Variants in PRMT8 observed in about 807,000 individuals in gnomAD.
PRMT8 encodes protein arginine methyltransferase 8, also known as protein arginine N-methyltransferase 8.
In PRMT8, 7 loss-of-function variants were observed where a neutral mutation model predicts 47.1. That is an observed-to-expected ratio of 0.15 (90% CI 0.08 to 0.28). The LOEUF (loss-of-function observed/expected upper bound fraction) is 0.28. Among genes scored for constraint, PRMT8 ranks in the 10% least tolerant of loss-of-function variants. The pLI is 1.00. For missense variants in PRMT8, 237 were observed against 505.4 expected (o/e 0.47, Z 5.09); for synonymous variants, 188 against 186.5 (o/e 1.01, Z -0.07).
intron 1 of PRMT8, among the ~76,000 whole-genome samples, chr12:3,418,801 G>A (rs572978209): frequency 6.6e-6 from 1 of 151,892 alleles, no homozygotes; most frequent in Admixed American, 6.6e-5. Flanking sequence ...GGAAGGGTGG[G>A]TGGGGCTGGG....
chr12:3,450,958 T>C (rs1591553374), intron 1 of PRMT8, among the ~76,000 whole-genome samples: 1 of 141,788 alleles, frequency 7.1e-6, no homozygotes, highest in Non-Finnish European at 1.5e-5. Flanking sequence ...CTTGCAACTT[T>C]AGTGCAATGT....
intron 8 of PRMT8, among the ~76,000 whole-genome samples, chr12:3,590,282 G>A (rs1040690771): frequency 2.0e-5 from 3 of 152,214 alleles, no homozygotes; most frequent in African/African-American, 7.2e-5. Flanking sequence ...GATCAAGCCA[G>A]TTCATTGTGA....
chr12:3,513,939 C>G (rs915821224), intron 1 of PRMT8, among the ~76,000 whole-genome samples: 1 of 152,212 alleles, frequency 6.6e-6, no homozygotes, highest in Non-Finnish European at 1.5e-5. Flanking sequence ...AGGTACTGCT[C>G]TAGTGATTTC....
Position 3,583,367 on chromosome 12 carries a change from C to T in PRMT8, c.979+159C>T, listed in dbSNP as rs1195784786. 1.3e-5 allele frequency among the ~76,000 whole-genome samples: 2 copies of T among 152,126 alleles called. No homozygotes were observed. Among genetic ancestry groups the T allele is most frequent in the Admixed American group, 6.5e-5 (1 of 15,272 alleles). ...CCAGCCATGGAGGAACCATGCATCCCTATATTTGTGCTGTCCAAGGAGAAG... is the reference window on the plus strand; with the variant it reads ...CCAGCCATGGAGGAACCATGCATCCTTATATTTGTGCTGTCCAAGGAGAAG... On this transcript the variant is annotated intron_variant, in intron 8 of 9. Coordinates refer to ENST00000382622, the MANE Select transcript of PRMT8 (RefSeq NM_019854.5). This position sits in a 1 kb window ranked among gnomAD's most constrained non-coding sequence, Gnocchi z 4.7.
intron 1 of PRMT8, among the ~76,000 whole-genome samples, chr12:3,401,411 G>T (rs1287849184): frequency 6.6e-6 from 1 of 151,970 alleles, no homozygotes; most frequent in Non-Finnish European, 1.5e-5. Flanking sequence ...TTGAAAATCG[G>T]CACAAGAAAA....
At position 3,593,335 on chromosome 12, in the gene PRMT8, T is replaced by C. The variant is rs1049061623; in HGVS notation, c.*153T>C. ...ATTGGTGAACTCCCCAGGGCTCCCG[T>C]GGGCTCTGCCACTGGACAGAAGGCC... On this transcript the variant is annotated 3_prime_UTR_variant, in exon 10 of 10. Transcript: ENST00000382622. The surrounding 1 kb of genome is among the most constrained non-coding windows in gnomAD (Gnocchi z 4.8). 3.1e-6 allele frequency: 2 copies of C among 643,496 alleles called. No individual in the cohort carries two copies. Among genetic ancestry groups the C allele is most frequent in the African/African-American group, 3.7e-5 (2 of 54,320 alleles). The allele number at this position is 643,496 out of a possible 1,614,324, so 39.9% of individuals were successfully genotyped here.
Position 3,580,712 on chromosome 12 carries a change from G to A in PRMT8, c.829-2346G>A, listed in dbSNP as rs1867044401. ...GCCAGAAGTGAGATTGGAAGGCCAT[G>A]CTACACTGGTGACGGAGGGAACCAA... On this transcript the variant is annotated intron_variant, in intron 7 of 9. Coordinates refer to ENST00000382622, the MANE Select transcript of PRMT8 (RefSeq NM_019854.5). The surrounding 1 kb of genome is among the most constrained non-coding windows in gnomAD (Gnocchi z 4.6). 1.3e-5 allele frequency among the ~76,000 whole-genome samples: 2 copies of A among 152,142 alleles called. No individual in the cohort carries two copies. Among genetic ancestry groups the A allele is most frequent in the Non-Finnish European group, 2.9e-5 (2 of 68,020 alleles).
chr12:3,568,072 CAAAA>C (rs148436679), intron 4 of PRMT8, among the ~76,000 whole-genome samples: 1 of 102,774 alleles, frequency 9.7e-6, no homozygotes, highest in African/African-American at 3.5e-5. Flanking sequence ...AACTCCGTCT[CAAAA>C]AAAAAAAAAA....
At position 3,557,104 on chromosome 12, in the gene PRMT8, A is replaced by G. The variant is rs903559970; in HGVS notation, c.481+3390A>G. On this transcript the variant is annotated intron_variant, in intron 4 of 9. Transcript: ENST00000382622. The surrounding 1 kb of genome is among the most constrained non-coding windows in gnomAD (Gnocchi z 4.7). ...GAAGGGAGGTGAGTCCTGGAATGAG[A>G]GGGAAGGAGGGAGGGCAGCAGATAG... Among the ~76,000 whole-genome samples, 1 of 152,012 alleles carries G rather than the reference A, an allele frequency of 6.6e-6. No individual in the cohort carries two copies. The highest frequency in any genetic ancestry group is 1.5e-5 in the Non-Finnish European group (1 of 67,990).
Position 3,420,154 on chromosome 12 carries a change from G to A in PRMT8, c.48+38712G>A, listed in dbSNP as rs183557443. Among the ~76,000 whole-genome samples the A allele has an allele frequency of 1.4e-3, 206 of 152,228 alleles. 1 individual carries two copies. The highest frequency in any genetic ancestry group is 4.6e-3 in the African/African-American group (190 of 41,538). ...TCTCAACTCAAGAGCATTGGCACGA[G>A]CCTCAGAGGTGGGTGTTGTCCATCA... On this transcript the variant is annotated intron_variant, in intron 1 of 9. Transcript: ENST00000452611.
intron 1 of PRMT8, among the ~76,000 whole-genome samples, chr12:3,422,201 G>A (rs1864548878): frequency 6.6e-6 from 1 of 152,174 alleles, no homozygotes; most frequent in African/African-American, 2.4e-5. Context: ...CTTTTCTTTG[G>A]TGCTTGTTAT....
chr12:3,556,997 C>A (rs543729116), intron 4 of PRMT8, among the ~76,000 whole-genome samples: 7 of 152,128 alleles, frequency 4.6e-5, no homozygotes, highest in Admixed American at 4.6e-4. Context: ...GATGGAGGTG[C>A]CAGTGGTGGG....
chr12:3,582,607 C>G (rs890919023), intron 7 of PRMT8, among the ~76,000 whole-genome samples: 1 of 152,210 alleles, frequency 6.6e-6, no homozygotes, highest in Non-Finnish European at 1.5e-5. Context: ...TCCAGCAGGT[C>G]TGCCCCCCTC....
intron 1 of PRMT8, among the ~76,000 whole-genome samples, chr12:3,476,079 A>T (rs941255244): frequency 1.3e-5 from 2 of 152,218 alleles, no homozygotes; most frequent in Non-Finnish European, 2.9e-5. Flanking sequence ...CCTAAGACTG[A>T]TAATAAAAAT....
In PRMT8 at chr12:3,564,066, T is replaced by C. The variant is rs1354660260; in HGVS notation, c.482-4640T>C. Among the ~76,000 whole-genome samples the C allele has an allele frequency of 6.6e-6, 1 of 152,100 alleles. No homozygotes were observed. Among genetic ancestry groups the C allele is most frequent in the Non-Finnish European group, 1.5e-5 (1 of 68,030 alleles). Reference sequence around the variant, plus strand: ...TAAAATAGACAACGAAGAGAAGGAATGCATACGCTGGAGGTGAGCCGGGCC... The same window carrying C: ...TAAAATAGACAACGAAGAGAAGGAACGCATACGCTGGAGGTGAGCCGGGCC... On this transcript the variant is annotated intron_variant, in intron 4 of 9. Coordinates refer to ENST00000382622, the MANE Select transcript of PRMT8 (RefSeq NM_019854.5). This position sits in a 1 kb window ranked among gnomAD's most constrained non-coding sequence, Gnocchi z 4.0.
chr12:3,424,814 T>C (rs1162743517), intron 1 of PRMT8, among the ~76,000 whole-genome samples: 1 of 152,230 alleles, frequency 6.6e-6, no homozygotes, highest in African/African-American at 2.4e-5. Context: ...TGACTTGATG[T>C]ATATACTGGG....
At chr12:3,432,705 G>A (rs1225378918) in intron 1 of PRMT8, among the ~76,000 whole-genome samples, 1 of 152,140 alleles carries the variant, frequency 6.6e-6, no homozygotes. Context: ...CATCTTTATG[G>A]CCCGGTCATG....
At chr12:3,558,939 C>T (rs1866576840) in intron 4 of PRMT8, among the ~76,000 whole-genome samples, 1 of 133,632 alleles carries the variant, frequency 7.5e-6, no homozygotes, top group Non-Finnish European at 1.6e-5. Flanking sequence ...ACCAAACTAA[C>T]ATTTATCTGT....
chr12:3,384,561 C>T (rs1191416920), intron 1 of PRMT8, among the ~76,000 whole-genome samples: 1 of 152,150 alleles, frequency 6.6e-6, no homozygotes, highest in African/African-American at 2.4e-5. Flanking sequence ...TGGGTGTTCT[C>T]TGTGATTCTC....
Sources: allele counts gnomAD v4.1 joint callset (sites outside exome capture counted in the v4.1 genomes callset), GRCh38; gene constraint gnomAD v4.1.1; non-coding constraint Gnocchi (gnomAD v3.1); transcripts MANE v1.5; gene names NCBI Gene and HGNC (gene_info 2026-07-23, HGNC 2026-07-21).